SGMS2: variants seen among roughly 807,000 people sequenced by gnomAD.
The protein encoded by SGMS2 is phosphatidylcholine:ceramide cholinephosphotransferase 2.
Under a neutral mutation model 43.8 loss-of-function variants are expected in SGMS2, and 21 were observed. That is an observed-to-expected ratio of 0.48 (90% CI 0.34 to 0.69). The LOEUF is 0.69. SGMS2 is among the 30% of genes least tolerant of loss of function. The pLI, the probability that SGMS2 is intolerant of heterozygous loss-of-function variation, is 0.01. For synonymous variants in SGMS2, 167 were observed against 160.6 expected (o/e 1.04, Z -0.30); for missense variants, 384 against 443.2 (o/e 0.87, Z 1.20).
At chr4:107,881,702 C>CA (rs1176964091) in intron 2 of SGMS2, among the ~76,000 whole-genome samples, 14 of 152,106 alleles carry the variant, frequency 9.2e-5, no homozygotes, top group Admixed American at 3.3e-4. Flanking sequence ...AGAACTTACT[C>CA]ATTCTATCTA....
chr4:107,904,200 A>G (rs1010435715), intron 5 of SGMS2, among the ~76,000 whole-genome samples: 2 of 152,144 alleles, frequency 1.3e-5, no homozygotes, highest in Admixed American at 1.3e-4. Flanking sequence ...CATGTTTGCA[A>G]AGCTGGTCAG....
In SGMS2 at chr4:107,889,659, A is replaced by T. The variant is rs1299321387; in HGVS notation, c.-244-5651A>T. 2.0e-5 allele frequency among the ~76,000 whole-genome samples: 3 copies of T among 152,206 alleles called. No homozygotes were observed. In the East Asian group the frequency reaches 5.8e-4, roughly 29 times the overall value. On this transcript the variant is annotated intron_variant, in intron 2 of 6. Coordinates refer to ENST00000690982, the MANE Select transcript of SGMS2 (RefSeq NM_001375905.1). Reference sequence around the variant, plus strand: ...GAAACACATCTTAGATTCATAAAAAACGTTTTTTTCCTATCCTAGATTTTC... The same window carrying T: ...GAAACACATCTTAGATTCATAAAAATCGTTTTTTTCCTATCCTAGATTTTC...
At chr4:107,854,415 C>T (rs1405163845) in intron 1 of SGMS2, among the ~76,000 whole-genome samples, 1 of 152,168 alleles carries the variant, frequency 6.6e-6, no homozygotes, top group Non-Finnish European at 1.5e-5. Context: ...CCTGAGATGA[C>T]TATGACTAAT....
chr4:107,880,861 A>AG (rs1729280967), intron 2 of SGMS2, among the ~76,000 whole-genome samples: 2 of 122,094 alleles, frequency 1.6e-5, no homozygotes, highest in African/African-American at 6.6e-5. Flanking sequence ...CAAAAAAAAA[A>AG]AAAAAAGAAA....
At chr4:107,896,556 C>A (rs1362819484) in intron 3 of SGMS2, among the ~76,000 whole-genome samples, 2 of 152,088 alleles carry the variant, frequency 1.3e-5, no homozygotes, top group African/African-American at 4.8e-5. Context: ...TGCTTGCTAT[C>A]TAGTTACAAG....
At chr4:107,853,847 G>A (rs149299593) in intron 1 of SGMS2, among the ~76,000 whole-genome samples, 10 of 152,260 alleles carry the variant, frequency 6.6e-5, no homozygotes, top group African/African-American at 2.4e-4. Context: ...AGAAAGTAAC[G>A]TGGAGCAAGG....
chr4:107,828,621 T>C (rs1446758998), intron 1 of SGMS2, among the ~76,000 whole-genome samples: 1 of 152,254 alleles, frequency 6.6e-6, no homozygotes, highest in Non-Finnish European at 1.5e-5. Flanking sequence ...CAGCTCTGCA[T>C]TAAATCTTTC....
chr4:107,907,080 C>T (rs1351817375), intron 5 of SGMS2: 1 of 152,118 alleles, frequency 6.6e-6, no homozygotes, highest in Non-Finnish European at 1.5e-5. Context: ...CCTAAGACTG[C>T]AAGAGTAAGG....
intron 1 of SGMS2, among the ~76,000 whole-genome samples, chr4:107,855,964 G>A (rs1437370034): frequency 1.3e-5 from 2 of 152,184 alleles, no homozygotes; most frequent in Non-Finnish European, 2.9e-5. Context: ...TAATCGTGGA[G>A]TCATGCTAAG....
intron 2 of SGMS2, among the ~76,000 whole-genome samples, chr4:107,868,088 T>A (rs550175309): frequency 6.6e-6 from 1 of 152,322 alleles, no homozygotes; most frequent in African/African-American, 2.4e-5. Flanking sequence ...GATGAAATTG[T>A]TTAAAGTGTA....
intron 3 of SGMS2, among the ~76,000 whole-genome samples, chr4:107,896,552 C>T (rs1649067186): frequency 6.6e-6 from 1 of 152,080 alleles, no homozygotes. Context: ...TGTTTGCTTG[C>T]TATCTAGTTA....
intron 1 of SGMS2, among the ~76,000 whole-genome samples, chr4:107,841,819 T>C (rs1167481296): frequency 6.6e-6 from 1 of 151,676 alleles, no homozygotes; most frequent in African/African-American, 2.4e-5. Flanking sequence ...AGCTAAACTT[T>C]TCAATTTTTT....
intron 1 of SGMS2, among the ~76,000 whole-genome samples, chr4:107,835,817 T>C (rs572253447): frequency 1.3e-5 from 2 of 152,216 alleles, no homozygotes; most frequent in East Asian, 1.9e-4. Flanking sequence ...CTAAAACTTA[T>C]TTCTCTTTGA....
chr4:107,907,038 T>C (rs1731636023), intron 5 of SGMS2, among the ~76,000 whole-genome samples: 2 of 152,142 alleles, frequency 1.3e-5, no homozygotes, highest in Admixed American at 6.5e-5. Flanking sequence ...GTCCTGAGTC[T>C]AACACAACAG....
intron 1 of SGMS2, among the ~76,000 whole-genome samples, chr4:107,828,387 A>C (rs1487280730): frequency 6.6e-6 from 1 of 152,196 alleles, no homozygotes; most frequent in African/African-American, 2.4e-5. Flanking sequence ...AGGGAAATTA[A>C]GTAACTTTCC....
chr4:107,829,012 CA>C (rs202166463), intron 1 of SGMS2, among the ~76,000 whole-genome samples: 15,114 of 152,148 alleles, frequency 0.099, 1,039 homozygotes, highest in African/African-American at 0.19. Context: ...CTAATTTTGC[CA>C]AGGAGCTCTC....
intron 1 of SGMS2, among the ~76,000 whole-genome samples, chr4:107,843,434 T>C (rs1726633396): frequency 6.6e-6 from 1 of 152,190 alleles, no homozygotes; most frequent in Admixed American, 6.5e-5. Flanking sequence ...AGTTTCTTAA[T>C]ATGGAATTTG....
chr4:107,847,240 GT>G (rs1206217218), intron 1 of SGMS2, among the ~76,000 whole-genome samples: 2 of 152,046 alleles, frequency 1.3e-5, no homozygotes, highest in African/African-American at 4.8e-5. Context: ...GGTTTTTATG[GT>G]TTTAGGTCTA....
intron 1 of SGMS2, among the ~76,000 whole-genome samples, chr4:107,839,481 T>G (rs1418021531): frequency 2.0e-5 from 3 of 152,068 alleles, no homozygotes; most frequent in Non-Finnish European, 1.5e-5. Context: ...AGATATTAAG[T>G]GTATTGCTAA....
Sources: allele counts gnomAD v4.1 joint callset (sites outside exome capture counted in the v4.1 genomes callset), GRCh38; gene constraint gnomAD v4.1.1; transcripts MANE v1.5; gene names NCBI Gene and HGNC (gene_info 2026-07-23, HGNC 2026-07-21).